MDGA1: variants seen among roughly 807,000 people sequenced by gnomAD.
The protein encoded by MDGA1 is MAM domain-containing glycosylphosphatidylinositol anchor protein 1.
Under a neutral mutation model 101.5 loss-of-function variants are expected in MDGA1, and 54 were observed. The observed-to-expected ratio is 0.53, with a 90% CI of 0.43 to 0.67. The LOEUF (loss-of-function observed/expected upper bound fraction) is 0.67. Ranked by LOEUF, MDGA1 falls within the 30% of genes least tolerant of loss-of-function variation. The pLI is 0.00. For missense variants in MDGA1, 1,083 were observed against 1,323.8 expected, an observed-to-expected ratio of 0.82 and a Z score of 2.82; for synonymous variants, 533 against 558.3, an observed-to-expected ratio of 0.95 and a Z score of 0.64.
intron 2 of MDGA1, among the ~76,000 whole-genome samples, chr6:37,661,885 T>A (rs1287320001): frequency 2.0e-5 from 3 of 151,904 alleles, no homozygotes; most frequent in Non-Finnish European, 4.4e-5. Flanking sequence ...CTGGGTGCAA[T>A]GGCTCATGCC....
At chr6:37,663,010 A>C (rs1268910460) in intron 2 of MDGA1, among the ~76,000 whole-genome samples, 1 of 152,218 alleles carries the variant, frequency 6.6e-6, no homozygotes, top group South Asian at 2.1e-4. Context: ...CTTTTTGTCC[A>C]TCTGCCTGTC....
chr6:37,656,708 C>T (rs1394839514), intron 3 of MDGA1, among the ~76,000 whole-genome samples: 1 of 152,206 alleles, frequency 6.6e-6, no homozygotes, highest in Non-Finnish European at 1.5e-5. Flanking sequence ...CAGACTTCCT[C>T]TGAGCTGTGC....
chr6:37,655,092 C>A lies in MDGA1; in HGVS notation c.580-160G>T. 1 of 830,304 alleles carries A rather than the reference C, an allele frequency of 1.2e-6. No homozygotes were observed. The highest frequency in any genetic ancestry group is 1.8e-6 in the Non-Finnish European group (1 of 541,978). 51.4% of individuals were successfully genotyped at this position (830,304 alleles called of 1,614,324 possible). On this transcript the variant is annotated intron_variant, in intron 4 of 16. Transcript: ENST00000434837. The surrounding 1 kb of genome is among the most constrained non-coding windows in gnomAD (Gnocchi z 5.1). ...ACCATTTAGCCCCAGGGGTCCTGAG[C>A]CTGGGGTGGATGCTACACTCTCCAT...
chr6:37,647,256 T>C lies in MDGA1; in HGVS notation c.1963A>G (p.Asn655Asp). 6.3e-7 allele frequency: 1 copy of C among 1,574,984 alleles called. No homozygotes were observed. The highest frequency in any genetic ancestry group is 8.6e-7 in the Non-Finnish European group (1 of 1,160,562). ...NPTRSHKLSK[N>D]YSYVLQWTQR... ...GTCCACTGCAGCACGTAGGAGTAGT[T>C]CTTGGACAGCTTGTGGCTGCGGGTG... Residue 655 changes from asparagine to aspartate, a missense_variant, in exon 10 of 17, where the codon AAC becomes GAC. Coordinates refer to ENST00000434837, the MANE Select transcript of MDGA1 (RefSeq NM_153487.4).
At chr6:37,662,629 C>T (rs1188507884) in intron 2 of MDGA1, among the ~76,000 whole-genome samples, 1 of 31,172 alleles carries the variant, frequency 3.2e-5, no homozygotes, top group Admixed American at 3.9e-4. Context: ...AGTGAGACCC[C>T]ATCTCAAAAA....
intron 10 of MDGA1, 46 bp downstream of exon 10, chr6:37,647,127 C>T: frequency 1.3e-6 from 2 of 1,537,860 alleles, no homozygotes; most frequent in Non-Finnish European, 1.8e-6. Flanking sequence ...GGGTCAGCCA[C>T]ACCACACTCC....
chr6:37,696,706 C>T lies in MDGA1; in HGVS notation c.67+39G>A, dbSNP rs45627433. 2 of 1,548,758 alleles carry T rather than the reference C, an allele frequency of 1.3e-6. No homozygotes were observed. The highest frequency in any genetic ancestry group is 2.7e-5 in the African/African-American group (2 of 73,094). On this transcript the variant is annotated intron_variant, in intron 1 of 16. Transcript: ENST00000434837. This position sits in a 1 kb window ranked among gnomAD's most constrained non-coding sequence, Gnocchi z 5.6. ...TTGCGCCTCTTGCAAAGTTTCCGCG[C>T]GAGGTTAAGCCAAGGTGGAGCGGGA...
intron 6 of MDGA1, among the ~76,000 whole-genome samples, chr6:37,653,544 T>C (rs944821552): frequency 6.6e-6 from 1 of 151,920 alleles, no homozygotes; most frequent in Admixed American, 6.6e-5. Context: ...AAACAGGGAG[T>C]GTATATTCAG....
intron 1 of MDGA1, among the ~76,000 whole-genome samples, chr6:37,694,227 T>A (rs966083609): frequency 4.6e-5 from 7 of 152,178 alleles, no homozygotes; most frequent in African/African-American, 1.7e-4. Flanking sequence ...GCCTCTTCTC[T>A]CTTCTAGGGC....
chr6:37,631,429 C>T lies in MDGA1; in HGVS notation c.*5939G>A, dbSNP rs1359073291. On this transcript the variant is annotated 3_prime_UTR_variant, in exon 17 of 17. Coordinates refer to ENST00000434837, the MANE Select transcript of MDGA1 (RefSeq NM_153487.4). ...GCAAGAAGTTACCCAACATGAGAGC[C>T]AATAAAACTTAGGTGGTAGGGAGAG... The T allele has an allele frequency of 2.0e-5, 3 of 152,140 alleles. No homozygotes were observed. 9.4% of individuals were successfully genotyped at this position (152,140 alleles called of 1,614,324 possible). A position where few individuals can be genotyped will look rare whatever the true frequency, so the allele number is the denominator to read the frequency against.
rs1323641078 is a variant in MDGA1 at position 37,697,328 on chromosome 6, G to A, written c.-517C>T. 6.6e-6 allele frequency: 1 copy of A among 152,334 alleles called. No individual in the cohort carries two copies. Among genetic ancestry groups the A allele is most frequent in the African/African-American group, 2.4e-5 (1 of 41,466 alleles). The allele number at this position is 152,334 out of a possible 1,614,324, so 9.4% of individuals were successfully genotyped here. ...CTGCGGCCGCTGCCGTGGGCTCAGCGGCCCGACTCCAGGGGGCCGGGCTGA... is the reference window on the plus strand; with the variant it reads ...CTGCGGCCGCTGCCGTGGGCTCAGCAGCCCGACTCCAGGGGGCCGGGCTGA... On this transcript the variant is annotated 5_prime_UTR_variant, in exon 1 of 17. Transcript: ENST00000434837.
chr6:37,644,357 T>C lies in MDGA1; in HGVS notation c.2401+140A>G, dbSNP rs1253540932. On this transcript the variant is annotated intron_variant, in intron 13 of 16. Coordinates refer to ENST00000434837, the MANE Select transcript of MDGA1 (RefSeq NM_153487.4). The stretch of plus-strand genomic sequence containing the variant: ...CCTGAAATCGAGGCTGTGTCTCCCC[T>C]CAGACCAGAGCTCCCTGAGAACAGG... 1.1e-5 allele frequency: 11 copies of C among 981,690 alleles called. No homozygotes were observed. The Admixed American group carries it at 3.4e-4, about 30-fold the overall frequency. The allele number at this position is 981,690 out of a possible 1,614,324, so 60.8% of individuals were successfully genotyped here.
Position 37,654,277 on chromosome 6 carries a change from G to C in MDGA1, c.979C>G (p.Arg327Gly). Residue 327 changes from arginine to glycine, a missense_variant, in exon 6 of 17, where the codon CGA becomes GGA. Transcript: ENST00000434837. Reference protein sequence around the residue: ...PAKKTVNLLVRSMKNATFQIT... With the variant: ...PAKKTVNLLVGSMKNATFQIT... ...CACCCCTTCTGAGGCCACGTACATC[G>C]CACCAGCAGGTTGACAGTCTTCTTG... 6.5e-7 allele frequency: 1 copy of C among 1,541,658 alleles called. No homozygotes were observed. Among genetic ancestry groups the C allele is most frequent in the Non-Finnish European group, 8.7e-7 (1 of 1,143,326 alleles).
rs1261253342 is a variant in MDGA1 at position 37,652,174 on chromosome 6, C to T, written c.1149G>A (p.Arg383=). ...KNGKPARMSK[R]LLVTRNDPEL... ...CAGGATCATTGCGGGTCACCAGCAG[C>T]CGCTTGGACATGCGTGCCGGCTTGC... is the stretch of plus-strand genomic sequence containing the variant. Residue 383 remains arginine, a synonymous_variant, in exon 7 of 17, where the codon CGG becomes CGA. Coordinates refer to ENST00000434837, the MANE Select transcript of MDGA1 (RefSeq NM_153487.4). This position sits in a 1 kb window ranked among gnomAD's most constrained non-coding sequence, Gnocchi z 4.3. The T allele has an allele frequency of 6.2e-7, 1 of 1,614,030 alleles. No individual in the cohort carries two copies. The highest frequency in any genetic ancestry group is 1.7e-5 in the Admixed American group (1 of 60,028).
At chr6:37,672,706 G>A (rs9462349) in intron 1 of MDGA1, among the ~76,000 whole-genome samples, 6,161 of 152,194 alleles carry the variant, frequency 0.04, 420 homozygotes, top group African/African-American at 0.14. Flanking sequence ...TACAGAATTG[G>A]GATCTGTGTT....
intron 1 of MDGA1, among the ~76,000 whole-genome samples, chr6:37,684,478 C>T (rs1453254133): frequency 2.6e-5 from 4 of 152,172 alleles, no homozygotes; most frequent in East Asian, 3.8e-4. Context: ...AGCTTATAAA[C>T]GCCATGCAGA....
At position 37,696,733 on chromosome 6, in the gene MDGA1, G is replaced by T. The variant is rs1022148601; in HGVS notation, c.67+12C>A. The T allele has an allele frequency of 3.2e-6, 5 of 1,572,884 alleles. No individual in the cohort carries two copies. The highest frequency in any genetic ancestry group is 2.4e-5 in the East Asian group (1 of 42,540). On this transcript the variant is annotated intron_variant, in intron 1 of 16. Transcript: ENST00000434837. The surrounding 1 kb of genome is among the most constrained non-coding windows in gnomAD (Gnocchi z 5.6). ...AGGTTAAGCCAAGGTGGAGCGGGAC[G>T]CGGGCTCTTACCGTAGACTCCTTGT...
chr6:37,646,231 C>T lies in MDGA1; in HGVS notation c.2191G>A (p.Asp731Asn). ...LTPYTTFGAG[D>N]MASRIIHYTE... ...TAGTGGATGATGCGGGAGGCCATGT[C>T]ACCAGCCCCGAAGGTGGTATAGGGT... Residue 731 changes from aspartate to asparagine, a missense_variant, in exon 11 of 17, where the codon GAC becomes AAC. By Grantham distance (23) the Asp-to-Asn change is conservative (BLOSUM62 1). Transcript: ENST00000434837. The T allele has an allele frequency of 6.3e-7, 1 of 1,592,562 alleles. No individual in the cohort carries two copies. Among genetic ancestry groups the T allele is most frequent in the Non-Finnish European group, 8.6e-7 (1 of 1,166,992 alleles).
chr6:37,695,507 C>T (rs1287162834), intron 1 of MDGA1, among the ~76,000 whole-genome samples: 1 of 152,206 alleles, frequency 6.6e-6, no homozygotes, highest in Admixed American at 6.5e-5. Context: ...AAGGCCAAGC[C>T]AGCTAGCTGG....
Sources: gnomAD v4.1 joint callset for allele counts (sites outside exome capture counted in the v4.1 genomes callset) on GRCh38, gnomAD v4.1.1 for gene constraint, Gnocchi (gnomAD v3.1) non-coding constraint, MANE v1.5 for transcripts, NCBI Gene and HGNC (gene_info 2026-07-23, HGNC 2026-07-21) for gene names.